The following DSE variants were observed in gnomAD, a reference collection of about 807,000 sequenced individuals.
DSE encodes dermatan sulfate epimerase, also known as dermatan-sulfate epimerase.
DSE carries 36 observed loss-of-function variants against 84.4 expected under a neutral mutation model. That is an observed-to-expected ratio of 0.43 (90% CI 0.33 to 0.56). The LOEUF (loss-of-function observed/expected upper bound fraction) is 0.56, where lower values mean the gene tolerates loss of function less well. DSE is among the 20% of genes least tolerant of loss of function. The probability of loss-of-function intolerance (pLI) is 0.06; values close to 1 mark genes in which losing one functional copy is unlikely to be tolerated. For missense variants in DSE, 862 were observed against 1,169.6 expected, an observed-to-expected ratio of 0.74 and a Z score of 3.84; for synonymous variants, 410 against 430.1, an observed-to-expected ratio of 0.95 and a Z score of 0.58.
chr6:116,279,422 C>A, intron 2 of DSE: 1 of 1,613,436 alleles, frequency 6.2e-7, no homozygotes, highest in Non-Finnish European at 8.5e-7. Flanking sequence ...GATCTCTGGG[C>A]GCCACAGATT....
In DSE at chr6:116,436,640, T is replaced by A. The variant is rs1448195044; in HGVS notation, c.2172T>A (p.Asn724Lys). ...GTCACAAAATTCTGTTTGACCGGAA[T>A]TCAGCCATCAAGAGCAGCATTGTCC... ...ADRHKILFDRNSAIKSSIVPE... is the reference protein window; with the variant it reads ...ADRHKILFDRKSAIKSSIVPE... The change falls in exon 6 of 6, where the codon AAT (asparagine) becomes AAA (lysine). Residue 724 changes from asparagine (N) to lysine (K), a missense_variant. Around this residue, in one of 4 missense-constraint regions of DSE, gnomAD observed 315 missense variants for 348.1 expected, o/e 0.90. Transcript: ENST00000644252. 1 of 1,614,180 alleles carries A rather than the reference T, an allele frequency of 6.2e-7. No individual in the cohort carries two copies. Among genetic ancestry groups the A allele is most frequent in the African/African-American group, 1.3e-5 (1 of 75,040 alleles).
intron 2 of DSE, among the ~76,000 whole-genome samples, chr6:116,332,762 G>T (rs1777028423): frequency 6.6e-6 from 1 of 152,094 alleles, no homozygotes; most frequent in Non-Finnish European, 1.5e-5. Context: ...AAAAAGTCAA[G>T]CTACATGGTA....
At chr6:116,367,989 T>G (rs1458074695), upstream of DSE, among the ~76,000 whole-genome samples, 5 of 152,238 alleles carry the variant, frequency 3.3e-5, no homozygotes, top group Admixed American at 1.3e-4. Context: ...GACATCTGGA[T>G]ACTTAGAAAA....
At chr6:116,417,475 G>A (rs971784648) in intron 2 of DSE, among the ~76,000 whole-genome samples, 2 of 151,972 alleles carry the variant, frequency 1.3e-5, no homozygotes, top group African/African-American at 4.8e-5. Context: ...TTCTTTTAAT[G>A]TCTGCTTTGG....
At chr6:116,417,785 A>G (rs1239711609) in intron 2 of DSE, among the ~76,000 whole-genome samples, 1 of 152,192 alleles carries the variant, frequency 6.6e-6, no homozygotes, top group Non-Finnish European at 1.5e-5. Flanking sequence ...AAGGGCAAGT[A>G]GTTTTGTTCC....
exon 2 of DSE, chr6:116,258,683 G>A (rs570674029): frequency 9.3e-6 from 15 of 1,607,450 alleles, no homozygotes; most frequent in East Asian, 2.2e-5. Context: ...TTCACACGGC[G>A]AAGTGGGGAC....
chr6:116,416,719 TA>T (rs1310136453), intron 2 of DSE, among the ~76,000 whole-genome samples: 99 of 152,074 alleles, frequency 6.5e-4, no homozygotes, highest in African/African-American at 2.3e-3. Flanking sequence ...CTTGCATGTT[TA>T]TTTTTTTTTT....
In DSE at chr6:116,354,954, C is replaced by G. The variant is rs926500487; in HGVS notation, c.-53-44244C>G. 1.7e-4 allele frequency among the ~76,000 whole-genome samples: 26 copies of G among 152,148 alleles called. 1 individual carries two copies. The highest frequency in any genetic ancestry group is 6.3e-4 in the African/African-American group (26 of 41,442). On this transcript the variant is annotated intron_variant, in intron 2 of 3. Coordinates refer to the DSE transcript ENST00000430252. Reference sequence around the variant, plus strand: ...CCATGGAAATACGCCAAATTTGACACTGGTGTCAATTTCACTGTACTCATT... The same window carrying G: ...CCATGGAAATACGCCAAATTTGACAGTGGTGTCAATTTCACTGTACTCATT...
intron 2 of DSE, among the ~76,000 whole-genome samples, chr6:116,271,182 C>T (rs955853232): frequency 1.3e-5 from 2 of 152,198 alleles, no homozygotes; most frequent in African/African-American, 2.4e-5. Flanking sequence ...GAAGCAGAAG[C>T]AGCAGCTGAG....
At chr6:116,361,184 C>T (rs1778864261) in intron 2 of DSE, among the ~76,000 whole-genome samples, 4 of 151,994 alleles carry the variant, frequency 2.6e-5, no homozygotes, top group Non-Finnish European at 5.9e-5. Flanking sequence ...CTTAGCCTCC[C>T]CAGTAGCTGC....
chr6:116,383,068 CA>C (rs1336232591), intron 1 of DSE, among the ~76,000 whole-genome samples: 1 of 152,032 alleles, frequency 6.6e-6, no homozygotes, highest in Non-Finnish European at 1.5e-5. Context: ...CATGGGAGAG[CA>C]CAACTGGAGA....
At chr6:116,375,582 T>A (rs1016712596) in intron 1 of DSE, 8 of 981,340 alleles carry the variant, frequency 8.2e-6, no homozygotes, top group African/African-American at 1.7e-5. Context: ...CAACTTCTAG[T>A]TATGTATAGA....
At chr6:116,305,167 C>T (rs9488893) in intron 2 of DSE, among the ~76,000 whole-genome samples, 10,555 of 151,188 alleles carry the variant, frequency 0.07, 762 homozygotes, top group African/African-American at 0.18. Flanking sequence ...ACATAACCTG[C>T]GCTAAATCCT....
chr6:116,413,885 T>C (rs1014053202), intron 2 of DSE, among the ~76,000 whole-genome samples: 12 of 152,172 alleles, frequency 7.9e-5, no homozygotes, highest in Non-Finnish European at 1.3e-4. Flanking sequence ...CTACGGTTTT[T>C]CCCATTGTGA....
Position 116,399,285 on chromosome 6 carries a change from T to A in DSE, c.35T>A (p.Phe12Tyr), listed in dbSNP as rs142885560. The A allele has an allele frequency of 5.0e-4, 814 of 1,613,948 alleles. No individual in the cohort carries two copies. Among genetic ancestry groups the A allele is most frequent in the Non-Finnish European group, 6.2e-4 (727 of 1,180,010 alleles). ...CACACACGGGGGGCTCCCAGTGTGTTTTTCATATATTTGCTTTGCTTTGTG... is the reference window on the plus strand; with the variant it reads ...CACACACGGGGGGCTCCCAGTGTGTATTTCATATATTTGCTTTGCTTTGTG... Reference protein sequence around the residue: ...RTHTRGAPSVFFIYLLCFVSA... With the variant: ...RTHTRGAPSVYFIYLLCFVSA... The change falls in exon 2 of 6, where the codon TTT (phenylalanine) becomes TAT (tyrosine). Residue 12 changes from phenylalanine (F) to tyrosine (Y), a missense_variant. This residue lies in a region of DSE where 52 missense variants were observed against 49.6 expected (regional missense o/e 1.05). Transcript: ENST00000644252.
chr6:116,336,423 G>T (rs1777253000), intron 2 of DSE, among the ~76,000 whole-genome samples: 1 of 152,166 alleles, frequency 6.6e-6, no homozygotes. Context: ...CCACCTACCT[G>T]AGTGATACAT....
At chr6:116,426,169 G>A (rs975462281) in intron 2 of DSE, among the ~76,000 whole-genome samples, 25 of 152,190 alleles carry the variant, frequency 1.6e-4, no homozygotes, top group Non-Finnish European at 2.2e-4. Flanking sequence ...CAAGGTGGCC[G>A]TAAGAATAGA....
At chr6:116,426,462 T>G in intron 2 of DSE, 112 bp from the exon 3 acceptor site, 1 of 1,418,348 alleles carries the variant, frequency 7.1e-7, no homozygotes, top group South Asian at 1.4e-5. Context: ...CATTAAGCCC[T>G]TGGATTATAT....
At chr6:116,292,077 G>T (rs561807979) in intron 2 of DSE, among the ~76,000 whole-genome samples, 3 of 152,282 alleles carry the variant, frequency 2.0e-5, no homozygotes, top group Admixed American at 2.0e-4. Context: ...GGAGAAGAGT[G>T]GGGTTTACAG....
Sources: allele counts gnomAD v4.1 joint callset (sites outside exome capture counted in the v4.1 genomes callset), GRCh38; gene constraint gnomAD v4.1.1; regional missense constraint gnomAD v4.1.1; transcripts MANE v1.5; gene names NCBI Gene and HGNC (gene_info 2026-07-23, HGNC 2026-07-21).